The following GALNT18 variants were observed in gnomAD, a reference collection of about 807,000 sequenced individuals.
The protein encoded by GALNT18 is GalNAc-transferase 18.
Under a neutral mutation model 69.5 loss-of-function variants are expected in GALNT18, and 44 were observed. That is an observed-to-expected ratio of 0.63 (90% CI 0.50 to 0.81). GALNT18 has a LOEUF of 0.81. Ranked by LOEUF, GALNT18 falls within the 40% of genes least tolerant of loss-of-function variation. The probability of loss-of-function intolerance (pLI) is 0.00; values close to 1 mark genes in which losing one functional copy is unlikely to be tolerated. For missense variants in GALNT18, 715 were observed against 810.0 expected, an observed-to-expected ratio of 0.88 and a Z score of 1.42; for synonymous variants, 364 against 318.2, an observed-to-expected ratio of 1.14 and a Z score of -1.53.
intron 9 of GALNT18, among the ~76,000 whole-genome samples, chr11:11,323,959 A>T (rs926440205): frequency 2.6e-5 from 4 of 152,176 alleles, no homozygotes; most frequent in Admixed American, 1.3e-4. Context: ...CTTTAAGTTA[A>T]GGTTAAGTGA....
intron 1 of GALNT18, among the ~76,000 whole-genome samples, chr11:11,532,594 C>T (rs1857679928): frequency 6.6e-6 from 1 of 152,210 alleles, no homozygotes; most frequent in South Asian, 2.1e-4. Flanking sequence ...CAAAGCTCAC[C>T]AGTCATGAAG....
rs1418372938 is a variant in GALNT18, at chr11:11,444,472, G to A, written c.428+4272C>T. Among the ~76,000 whole-genome samples the A allele has an allele frequency of 6.6e-6, 1 of 152,164 alleles. No homozygotes were observed. The highest frequency in any genetic ancestry group is 1.5e-5 in the Non-Finnish European group (1 of 68,036). On this transcript the variant is annotated intron_variant, in intron 2 of 10. Transcript: ENST00000227756. The surrounding 1 kb of genome is among the most constrained non-coding windows in gnomAD (Gnocchi z 4.4). ...TCCGTCCGACGCTTTGTTGGGTGCC[G>A]GGCACATCATGAGTGCTCAGTAAAT...
At chr11:11,274,618 GTATA>G in intron 10 of GALNT18, among the ~76,000 whole-genome samples, 1 of 152,142 alleles carries the variant, frequency 6.6e-6, no homozygotes, top group African/African-American at 2.4e-5. Flanking sequence ...TGTTACATAG[GTATA>G]TGCATGCCAT....
Position 11,326,950 on chromosome 11 carries a change from G to T in GALNT18, c.1512+136C>A, listed in dbSNP as rs978665793. On this transcript the variant is annotated intron_variant, in intron 9 of 10. Transcript: ENST00000227756. ...TCATGAGGATGTGCCCTAATGAAAA[G>T]CCCCAGAGGCCCCTGGTCCCAGAGC... 1.6e-5 allele frequency: 10 copies of T among 639,114 alleles called. No homozygotes were observed. In the East Asian group the frequency reaches 2.4e-4, roughly 16 times the overall value. The allele number at this position is 639,114 out of a possible 1,614,324, so 39.6% of individuals were successfully genotyped here.
intron 10 of GALNT18, among the ~76,000 whole-genome samples, chr11:11,276,662 CTTA>C (rs1564874928): frequency 6.6e-6 from 1 of 152,102 alleles, no homozygotes; most frequent in African/African-American, 2.4e-5. Flanking sequence ...ATAAATAGCT[CTTA>C]TTATTTTGAG....
At chr11:11,484,593 C>CAAAA (rs1159968814) in intron 1 of GALNT18, among the ~76,000 whole-genome samples, 57 of 82,978 alleles carry the variant, frequency 6.9e-4, no homozygotes, top group East Asian at 2.0e-3. Flanking sequence ...AACTCCATCT[C>CAAAA]AAAAAAAAAA....
At chr11:11,348,883 G>C (rs978793790) in intron 6 of GALNT18, among the ~76,000 whole-genome samples, 4 of 152,100 alleles carry the variant, frequency 2.6e-5, no homozygotes, top group Admixed American at 2.0e-4. Context: ...TGATAACTCT[G>C]TGTGTGTGTG....
chr11:11,592,300 G>GA lies in GALNT18; in HGVS notation c.235+29058dup, dbSNP rs1279009326. Among the ~76,000 whole-genome samples the GA allele has an allele frequency of 1.3e-5, 2 of 151,826 alleles. No homozygotes were observed. Among genetic ancestry groups the GA allele is most frequent in the Middle Eastern group, 3.4e-3 (1 of 294 alleles). On this transcript the variant is annotated intron_variant, in intron 1 of 10. Coordinates refer to ENST00000227756, the MANE Select transcript of GALNT18 (RefSeq NM_198516.3). This position sits in a 1 kb window ranked among gnomAD's most constrained non-coding sequence, Gnocchi z 5.9. ...GCTAAGAAATTATATGCACGGTTACGAAAAAAAATCAAAGATGTTTCCCAC... is the reference window on the plus strand; with the variant it reads ...GCTAAGAAATTATATGCACGGTTACGAAAAAAAAATCAAAGATGTTTCCCAC...
Position 11,591,159 on chromosome 11 carries a change from C to CGT in GALNT18, c.235+30198_235+30199dup, listed in dbSNP as rs142063535. 0.36 allele frequency among the ~76,000 whole-genome samples: 54,222 copies of CGT among 148,856 alleles called. 10,103 individuals carry two copies. Among genetic ancestry groups the CGT allele is most frequent in the African/African-American group, 0.45 (17,940 of 40,268 alleles). Reference sequence around the variant, plus strand: ...TGCTGACTCTGTAGGCCTAGGCTACCGTGTGTGTGTGTGTGTGTGTGTGTG... The same window carrying CGT: ...TGCTGACTCTGTAGGCCTAGGCTACCGTGTGTGTGTGTGTGTGTGTGTGTGTG... On this transcript the variant is annotated intron_variant, in intron 1 of 10. Coordinates refer to ENST00000227756, the MANE Select transcript of GALNT18 (RefSeq NM_198516.3). This position sits in a 1 kb window ranked among gnomAD's most constrained non-coding sequence, Gnocchi z 4.8.
chr11:11,284,073 G>A (rs942013899), intron 10 of GALNT18, among the ~76,000 whole-genome samples: 2 of 152,214 alleles, frequency 1.3e-5, no homozygotes, highest in Admixed American at 1.3e-4. Flanking sequence ...GCCACTCTGG[G>A]CTTCAGTCTT....
At position 11,402,901 on chromosome 11, in the gene GALNT18, A is replaced by C. The variant is rs2133740470; in HGVS notation, c.596-23637T>G. 6.6e-6 allele frequency among the ~76,000 whole-genome samples: 1 copy of C among 152,324 alleles called. No homozygotes were observed. Among genetic ancestry groups the C allele is most frequent in the Non-Finnish European group, 1.5e-5 (1 of 68,024 alleles). ...GTAATGCTTGTTTCTCTTTGGAGTTAGCACAGCTCTAGAAAGTGGGTGCTT... is the reference window on the plus strand; with the variant it reads ...GTAATGCTTGTTTCTCTTTGGAGTTCGCACAGCTCTAGAAAGTGGGTGCTT... On this transcript the variant is annotated intron_variant, in intron 3 of 10. Transcript: ENST00000227756. This position sits in a 1 kb window ranked among gnomAD's most constrained non-coding sequence, Gnocchi z 4.0.
intron 1 of GALNT18, among the ~76,000 whole-genome samples, chr11:11,569,344 G>A (rs1422215677): frequency 6.6e-6 from 1 of 151,726 alleles, no homozygotes. Context: ...TTGAGTATCT[G>A]GGTAAGACCA....
intron 10 of GALNT18, among the ~76,000 whole-genome samples, chr11:11,281,291 T>G (rs1849069481): frequency 6.6e-6 from 1 of 152,208 alleles, no homozygotes; most frequent in Non-Finnish European, 1.5e-5. Context: ...CACTTCTGGT[T>G]TCATTGTCTG....
chr11:11,327,505 C>G (rs573174092), intron 8 of GALNT18, among the ~76,000 whole-genome samples: 1 of 152,254 alleles, frequency 6.6e-6, no homozygotes, highest in Non-Finnish European at 1.5e-5. Context: ...CAACAGCCTT[C>G]AAGTGTCCCT....
At chr11:11,364,065 T>C (rs1413902953) in intron 6 of GALNT18, among the ~76,000 whole-genome samples, 3 of 152,274 alleles carry the variant, frequency 2.0e-5, no homozygotes, top group Admixed American at 6.5e-5. Context: ...TTGGTCCCCT[T>C]TGGAGGGTGG....
chr11:11,581,433 T>G (rs760346940), intron 1 of GALNT18, among the ~76,000 whole-genome samples: 8 of 152,208 alleles, frequency 5.3e-5, no homozygotes, highest in Non-Finnish European at 8.8e-5. Context: ...CTCGCCCACC[T>G]GTAATAGCTG....
At chr11:11,278,734 A>C (rs914066762) in intron 10 of GALNT18, among the ~76,000 whole-genome samples, 7 of 152,134 alleles carry the variant, frequency 4.6e-5, no homozygotes, top group South Asian at 4.1e-4. Flanking sequence ...AAAAGCAGGG[A>C]TGGTTAATAG....
intron 10 of GALNT18, among the ~76,000 whole-genome samples, chr11:11,284,997 G>T (rs1402023907): frequency 7.0e-6 from 1 of 143,110 alleles, no homozygotes; most frequent in Non-Finnish European, 1.5e-5. Context: ...AGGGCTTGTT[G>T]TGTGAAGGGC....
intron 7 of GALNT18, among the ~76,000 whole-genome samples, chr11:11,336,167 C>G (rs1381322528): frequency 6.6e-6 from 1 of 152,270 alleles, no homozygotes; most frequent in East Asian, 1.9e-4. Flanking sequence ...GCTCCTGAAC[C>G]CTGCTTAAGA....
Sources: gnomAD v4.1 joint callset for allele counts (sites outside exome capture counted in the v4.1 genomes callset) on GRCh38, gnomAD v4.1.1 for gene constraint, Gnocchi (gnomAD v3.1) non-coding constraint, MANE v1.5 for transcripts, NCBI Gene and HGNC (gene_info 2026-07-23, HGNC 2026-07-21) for gene names.